The following CFAP46 variants were observed in gnomAD, a reference collection of about 807,000 sequenced individuals.
The protein encoded by CFAP46 is cilia and flagella associated protein 46, also known as cilia- and flagella-associated protein 46.
Under a neutral mutation model 325.7 loss-of-function variants are expected in CFAP46, and 245 were observed. That is an observed-to-expected ratio of 0.75 (90% confidence interval 0.68 to 0.84). The LOEUF (loss-of-function observed/expected upper bound fraction) is 0.84, where lower values mean the gene tolerates loss of function less well. Ranked by LOEUF, CFAP46 falls within the 40% of genes least tolerant of loss-of-function variation. The pLI is 0.00. For synonymous variants in CFAP46, 1,523 were observed against 1,495.9 expected (o/e 1.02, Z -0.42); for missense variants, 3,346 against 3,543.0 (o/e 0.94, Z 1.41).
chr10:132,851,541 C>T (rs1016239358), intron 39 of CFAP46, among the ~76,000 whole-genome samples: 3 of 152,246 alleles, frequency 2.0e-5, no homozygotes, highest in East Asian at 1.9e-4. Flanking sequence ...TGTTCCCTCC[C>T]GGTCACCTAG....
intron 8 of CFAP46, among the ~76,000 whole-genome samples, chr10:132,931,871 C>T (rs1485067818): frequency 9.2e-5 from 13 of 141,038 alleles, no homozygotes; most frequent in Non-Finnish European, 1.8e-4. Context: ...CCACACAGAG[C>T]CTGGGCCTTC....
chr10:132,837,497 G>A (rs1591044574), intron 44 of CFAP46, among the ~76,000 whole-genome samples: 1 of 31,424 alleles, frequency 3.2e-5, no homozygotes, highest in East Asian at 4.7e-4. Context: ...GTACACAGAT[G>A]CACACAGACG....
chr10:132,942,079 G>T lies in CFAP46; in HGVS notation c.75C>A (p.Tyr25Ter), dbSNP rs1177699616. The change falls in exon 2 of 58, where the codon TAC becomes TAA. Residue 25 changes from tyrosine (Y) to a stop codon, truncating the protein, a stop_gained. Transcript: ENST00000368586. LOFTEE classifies it high-confidence loss of function. ...CTAGGTTGGCCGATTTGATCAACTC[G>T]TAGGCCTTCTTCAAGGACGCAGCAT... ...QQDAASLKKA[Y>*]ELIKSANLGK... 6.4e-7 allele frequency: 1 copy of T among 1,551,716 alleles called. No homozygotes were observed. Among genetic ancestry groups the T allele is most frequent in the South Asian group, 1.2e-5 (1 of 84,066 alleles).
At chr10:132,941,790 C>T (rs1486050533) in intron 2 of CFAP46, 68 bp from the exon 3 acceptor site, 6 of 1,601,604 alleles carry the variant, frequency 3.7e-6, no homozygotes, top group Non-Finnish European at 4.3e-6. Flanking sequence ...AGAAGCACCA[C>T]GGGCCCGCTT....
In CFAP46 at chr10:132,909,839, G is replaced by A. The variant is rs758529697; in HGVS notation, c.2649+80C>T. On this transcript the variant is annotated intron_variant, in intron 20 of 57. Coordinates refer to ENST00000368586, the MANE Select transcript of CFAP46 (RefSeq NM_001200049.3). ...CATCTGGAGCTAAGTGGTCCCGGGG[G>A]CCCCACCACCCCCGGCTGTCTCAGA... 5.3e-6 allele frequency: 7 copies of A among 1,319,496 alleles called. No individual in the cohort carries two copies. In the East Asian group the frequency reaches 1.5e-4, roughly 28 times the overall value. The allele number at this position is 1,319,496 out of a possible 1,614,324, so 81.7% of individuals were successfully genotyped here. A position where few individuals can be genotyped will look rare whatever the true frequency, so the allele number is the denominator to read the frequency against.
chr10:132,862,150 G>A (rs567844604), intron 35 of CFAP46, among the ~76,000 whole-genome samples: 1 of 152,352 alleles, frequency 6.6e-6, no homozygotes, highest in South Asian at 2.1e-4. Flanking sequence ...GTGGGCGACT[G>A]GGCTCTGTGG....
In CFAP46 at chr10:132,913,083, G is replaced by A; in HGVS notation, c.2296C>T (p.His766Tyr). ...RQKELVDALY[H>Y]LLSIVKATGH... is the part of the protein sequence containing the mutation. ...GTGGCCTTAACGATGCTCAGGAGGT[G>A]GTACAGGGCGTCCACCAGCTCCTTC... Residue 766 changes from histidine (H) to tyrosine (Y), a missense_variant, in exon 18 of 58, where the codon CAC becomes TAC. By Grantham distance (83) the His-to-Tyr change is moderately conservative. Coordinates refer to ENST00000368586, the MANE Select transcript of CFAP46 (RefSeq NM_001200049.3). 6.5e-7 allele frequency: 1 copy of A among 1,550,314 alleles called. No homozygotes were observed. The highest frequency in any genetic ancestry group is 8.7e-7 in the Non-Finnish European group (1 of 1,146,952).
At chr10:132,880,114 A>ATGTGTG (rs1849016684) in intron 28 of CFAP46, among the ~76,000 whole-genome samples, 1 of 142,750 alleles carries the variant, frequency 7.0e-6, no homozygotes, top group African/African-American at 3.0e-5. Flanking sequence ...GTGTGTGTGC[A>ATGTGTG]TGTATGTGTG....
chr10:132,889,447 A>G lies in CFAP46; in HGVS notation c.3304+2886T>C, dbSNP rs113480965. On this transcript the variant is annotated intron_variant, in intron 25 of 57. Coordinates refer to ENST00000368586, the MANE Select transcript of CFAP46 (RefSeq NM_001200049.3). The surrounding 1 kb of genome is among the most constrained non-coding windows in gnomAD (Gnocchi z 6.0). Reference sequence around the variant, plus strand: ...TCTGCCAGGCCCTCCTCACCCAGGCACTGGCCAGAGAAGCGGGTCTGCGTC... The same window carrying G: ...TCTGCCAGGCCCTCCTCACCCAGGCGCTGGCCAGAGAAGCGGGTCTGCGTC... Among the ~76,000 whole-genome samples, 7,565 of 152,218 alleles carry G rather than the reference A, an allele frequency of 0.05. 243 individuals carry two copies. Among genetic ancestry groups the G allele is most frequent in the Non-Finnish European group, 0.063 (4,318 of 68,004 alleles).
At chr10:132,910,371 C>A (rs1187849624) in intron 19 of CFAP46, among the ~76,000 whole-genome samples, 1 of 152,248 alleles carries the variant, frequency 6.6e-6, no homozygotes, top group Non-Finnish European at 1.5e-5. Flanking sequence ...AGCACCCCTC[C>A]CCCACTGCAG....
intron 8 of CFAP46, among the ~76,000 whole-genome samples, chr10:132,932,226 C>T (rs1304373574): frequency 5.5e-5 from 7 of 127,538 alleles, no homozygotes; most frequent in Non-Finnish European, 8.0e-5. Flanking sequence ...GGTCTCCCTA[C>T]ACTCCCCACA....
At chr10:132,843,196 A>G (rs1013278924) in intron 44 of CFAP46, among the ~76,000 whole-genome samples, 1 of 152,184 alleles carries the variant, frequency 6.6e-6, no homozygotes. Flanking sequence ...AGAGGACACT[A>G]TGTCCTGGAG....
At chr10:132,860,640 G>T in intron 36 of CFAP46, 117 bp from the exon 37 acceptor site, 1 of 1,174,548 alleles carries the variant, frequency 8.5e-7, no homozygotes, top group Non-Finnish European at 1.2e-6. Context: ...GGGTAGATAC[G>T]GGTGTGTCTG....
intron 19 of CFAP46, among the ~76,000 whole-genome samples, chr10:132,912,049 G>A (rs1323530423): frequency 1.3e-5 from 2 of 152,020 alleles, no homozygotes; most frequent in Middle Eastern, 3.2e-3. Flanking sequence ...CAGAAGCTCA[G>A]CCCCAGCCTC....
intron 35 of CFAP46, among the ~76,000 whole-genome samples, chr10:132,864,724 CCT>C (rs1848787471): frequency 2.1e-5 from 3 of 142,764 alleles, no homozygotes; most frequent in Non-Finnish European, 4.6e-5. Flanking sequence ...ACACACCTGC[CCT>C]CAGTGCCTGA....
At position 132,869,052 on chromosome 10, in the gene CFAP46, A is replaced by ACC. The variant is rs1848858327; in HGVS notation, c.4610+221_4610+222insGG. Among the ~76,000 whole-genome samples the ACC allele has an allele frequency of 6.6e-6, 1 of 152,080 alleles. No homozygotes were observed. Among genetic ancestry groups the ACC allele is most frequent in the Non-Finnish European group, 1.5e-5 (1 of 67,998 alleles). ...GGGAGGGGCTCGGGCCACCCTGGAG[A>ACC]GCCCCCCTCACCGCCCCTCCCTCCC... On this transcript the variant is annotated intron_variant, in intron 33 of 57. Coordinates refer to ENST00000368586, the MANE Select transcript of CFAP46 (RefSeq NM_001200049.3). This position sits in a 1 kb window ranked among gnomAD's most constrained non-coding sequence, Gnocchi z 6.2.
intron 16 of CFAP46, among the ~76,000 whole-genome samples, chr10:132,917,537 C>T (rs748187737): frequency 1.4e-4 from 22 of 152,242 alleles, no homozygotes; most frequent in South Asian, 6.2e-4. Flanking sequence ...ACATTCAATG[C>T]GCTTCTGCAG....
chr10:132,902,006 C>T (rs1306871521), intron 22 of CFAP46, among the ~76,000 whole-genome samples: 3 of 152,170 alleles, frequency 2.0e-5, no homozygotes, highest in Non-Finnish European at 4.4e-5. Context: ...TAACTCCTTT[C>T]CAGGATCTGC....
In CFAP46 at chr10:132,872,821, A is replaced by G; in HGVS notation, c.4366T>C (p.Tyr1456His). The G allele has an allele frequency of 1.3e-6, 2 of 1,551,170 alleles. No individual in the cohort carries two copies. The highest frequency in any genetic ancestry group is 1.2e-5 in the South Asian group (1 of 84,066). Residue 1456 changes from tyrosine (Y) to histidine (H), a missense_variant, in exon 32 of 58, where the codon TAC (tyrosine) becomes CAC (histidine). Transcript: ENST00000368586. ...VNPSSIQKPT[Y>H]SLYFLDHLVK... ...AGGTGGTCCAGGAAATACAAACTGT[A>G]TGTCTACATGGACACATAACACACA...
Sources: gnomAD v4.1 joint callset for allele counts (sites outside exome capture counted in the v4.1 genomes callset) on GRCh38, gnomAD v4.1.1 for gene constraint, Gnocchi (gnomAD v3.1) non-coding constraint, MANE v1.5 for transcripts, NCBI Gene and HGNC (gene_info 2026-07-23, HGNC 2026-07-21) for gene names.